Variants in NEB observed in about 807,000 individuals in gnomAD.
The protein encoded by NEB is nebulin.
Under a neutral mutation model 952.2 loss-of-function variants are expected in NEB, and 512 were observed. That is an observed-to-expected ratio of 0.54 (90% CI 0.50 to 0.58). The LOEUF (loss-of-function observed/expected upper bound fraction) is 0.58, where lower values mean the gene tolerates loss of function less well. Ranked by LOEUF, NEB falls within the 20% of genes least tolerant of loss-of-function variation. The pLI is 0.00. For missense variants in NEB, 8,428 were observed against 9,231.1 expected, an observed-to-expected ratio of 0.91 and a Z score of 3.56; for synonymous variants, 2,900 against 3,149.8, an observed-to-expected ratio of 0.92 and a Z score of 2.66.
chr2:151,578,034 A>C (rs145984054), intron 105 of NEB, among the ~76,000 whole-genome samples: 77 of 152,330 alleles, frequency 5.1e-4, no homozygotes, highest in African/African-American at 1.5e-3. Context: ...TGTCTTAAAT[A>C]TACCACTTGG....
At chr2:151,637,012 T>C (rs555082157) in intron 63 of NEB, among the ~76,000 whole-genome samples, 1 of 152,298 alleles carries the variant, frequency 6.6e-6, no homozygotes, top group African/African-American at 2.4e-5. Context: ...CTGTTGATCA[T>C]GGCAATCAAT....
At chr2:151,505,433 G>C in intron 165 of NEB, 45 bp downstream of exon 165, 1 of 1,495,118 alleles carries the variant, frequency 6.7e-7, no homozygotes, top group Non-Finnish European at 9.3e-7. Context: ...TAGCAATTGA[G>C]AGATGGCCAG....
At position 151,620,979 on chromosome 2, in the gene NEB, G is replaced by A. The variant is rs1342319581; in HGVS notation, c.10500C>T (p.Asp3500=). ...CAATGGGAATGGCATCACTTCTCAA[G>A]TCATAGCCTTCTTTCTTGGCTTCTT... The part of the protein sequence containing the change: ...AMEEAKKEGY[D]LRSDAIPIVA... The change falls in exon 72 of 182, where the codon GAC becomes GAT. Residue 3500 remains aspartate, a synonymous_variant. Transcript: ENST00000397345. 6.2e-7 allele frequency: 1 copy of A among 1,613,004 alleles called. No individual in the cohort carries two copies. Among genetic ancestry groups the A allele is most frequent in the East Asian group, 2.2e-5 (1 of 44,804 alleles).
At chr2:151,694,735 G>A (rs968836977) in intron 18 of NEB, 106 bp from the exon 19 acceptor site, 11 of 829,732 alleles carry the variant, frequency 1.3e-5, no homozygotes, top group African/African-American at 1.7e-5. Flanking sequence ...AAAATAAATG[G>A]GCCCTTTTTA....
intron 167 of NEB, among the ~76,000 whole-genome samples, chr2:151,502,320 A>C (rs2065254311): frequency 6.6e-6 from 1 of 152,162 alleles, no homozygotes; most frequent in Non-Finnish European, 1.5e-5. Context: ...TCACCACTAA[A>C]GAACTTAGTA....
At chr2:151,651,365 C>G (rs190800576) in intron 52 of NEB, among the ~76,000 whole-genome samples, 185 of 152,226 alleles carry the variant, frequency 1.2e-3, no homozygotes, top group African/African-American at 3.9e-3. Flanking sequence ...AAATGATAAT[C>G]CTTACGGGCT....
intron 105 of NEB, among the ~76,000 whole-genome samples, chr2:151,577,827 C>A (rs1048009206): frequency 6.6e-6 from 1 of 152,188 alleles, no homozygotes; most frequent in Non-Finnish European, 1.5e-5. Flanking sequence ...ATCCACCCAC[C>A]TCAGCCTCCC....
At chr2:151,666,979 C>CT (rs1253706121) in intron 40 of NEB, among the ~76,000 whole-genome samples, 1 of 151,396 alleles carries the variant, frequency 6.6e-6, no homozygotes, top group African/African-American at 2.4e-5. Flanking sequence ...AAATTAATGC[C>CT]TTTTTTCTCT....
At chr2:151,578,099 A>C (rs184976275) in intron 105 of NEB, among the ~76,000 whole-genome samples, 186 of 152,366 alleles carry the variant, frequency 1.2e-3, no homozygotes, top group African/African-American at 4.2e-3. Flanking sequence ...TTCATTATAA[A>C]AAAGTACCTC....
intron 144 of NEB, 105 bp from the exon 145 acceptor site, chr2:151,531,206 T>C: frequency 1.3e-6 from 1 of 755,780 alleles, no homozygotes; most frequent in Admixed American, 2.2e-5. Context: ...GGAAAGAGAA[T>C]TCTATGAATT....
rs2099239660 is a variant in NEB, at chr2:151,667,807, A to T, written c.4716T>A (p.Ser1572Arg). Residue 1572 changes from serine to arginine, a missense_variant, in exon 40 of 182, where the codon AGT becomes AGA. Coordinates refer to ENST00000397345, the MANE Select transcript of NEB (RefSeq NM_001164508.2). ...VAAKSSRNIASDCKYKEAYEK... is the reference protein window; with the variant it reads ...VAAKSSRNIARDCKYKEAYEK... ...CCTACTTTTAAGTTAGACTTACATC[A>T]CTAGCAATATTCCTTGAACTTTTTG... 1.2e-6 allele frequency: 2 copies of T among 1,611,028 alleles called. No homozygotes were observed. The highest frequency in any genetic ancestry group is 1.7e-6 in the Non-Finnish European group (2 of 1,177,846).
intron 166 of NEB, chr2:151,503,126 C>CTACT (rs2065987766): frequency 1.7e-6 from 1 of 585,282 alleles, no homozygotes. Context: ...CTTGTTAATT[C>CTACT]TACTTATAGT....
intron 131 of NEB, among the ~76,000 whole-genome samples, 156 bp from the exon 132 acceptor site, chr2:151,547,894 G>A (rs1393925240): frequency 6.6e-6 from 1 of 152,104 alleles, no homozygotes; most frequent in Admixed American, 6.6e-5. Flanking sequence ...GAAAATGAGA[G>A]TTATTTCATT....
chr2:151,679,890 G>C, intron 31 of NEB, 28 bp downstream of exon 31: 1 of 1,604,542 alleles, frequency 6.2e-7, no homozygotes, highest in East Asian at 2.2e-5. Flanking sequence ...CTGGACATAC[G>C]CATCAGCCCG....
chr2:151,562,279 A>C lies in NEB; in HGVS notation c.18892-65T>G, dbSNP rs186554497. ...TGAATTTACAATTGAGCATTTGATA[A>C]TTTCCTATCAGCTGTTGGCTGTGCT... is the stretch of plus-strand genomic sequence containing the variant. On this transcript the variant is annotated intron_variant, in intron 120 of 181. Coordinates refer to ENST00000397345, the MANE Select transcript of NEB (RefSeq NM_001164508.2). The C allele has an allele frequency of 2.7e-3, 3,539 of 1,328,290 alleles. 6 individuals are homozygous for C. Among genetic ancestry groups the C allele is most frequent in the Non-Finnish European group, 3.3e-3 (3,050 of 922,654 alleles). 82.3% of individuals were successfully genotyped at this position (1,328,290 alleles called of 1,614,324 possible).
chr2:151,664,922 G>A (rs1026723415), intron 42 of NEB, 59 bp from the exon 43 acceptor site: 2 of 1,220,424 alleles, frequency 1.6e-6, no homozygotes, highest in Admixed American at 2.1e-5. Flanking sequence ...CCCAATGCTA[G>A]CAAGAGGAAG....
chr2:151,501,621 A>T (rs1332703298), intron 167 of NEB, 138 bp from the exon 168 acceptor site: 4 of 476,138 alleles, frequency 8.4e-6, no homozygotes, highest in Non-Finnish European at 1.5e-5. Context: ...TTAAAAATAG[A>T]GTTAACTATA....
intron 124 of NEB, among the ~76,000 whole-genome samples, chr2:151,560,009 T>C (rs754134514): frequency 6.6e-6 from 1 of 152,134 alleles, no homozygotes; most frequent in South Asian, 2.1e-4. Context: ...GGTCATAAGA[T>C]TTAAAGGCAT....
intron 181 of NEB, among the ~76,000 whole-genome samples, chr2:151,489,766 T>C (rs1483466508): frequency 6.6e-6 from 1 of 152,128 alleles, no homozygotes. Context: ...GGTTTTTTTT[T>C]TAAGTTATTG....
Sources: gnomAD v4.1 joint callset for allele counts (sites outside exome capture counted in the v4.1 genomes callset) on GRCh38, gnomAD v4.1.1 for gene constraint, MANE v1.5 for transcripts, NCBI Gene and HGNC (gene_info 2026-07-23, HGNC 2026-07-21) for gene names.